Variants in ZFYVE9 observed in about 807,000 individuals in gnomAD.
ZFYVE9 encodes zinc finger FYVE domain-containing protein 9.
Under a neutral mutation model 126.7 loss-of-function variants are expected in ZFYVE9, and 43 were observed. The observed-to-expected ratio is 0.34, with a 90% CI of 0.27 to 0.44. The LOEUF (loss-of-function observed/expected upper bound fraction) is 0.44. Ranked by LOEUF, ZFYVE9 falls within the 20% of genes least tolerant of loss-of-function variation. The pLI is 1.00. For synonymous variants in ZFYVE9, 521 were observed against 597.4 expected, an observed-to-expected ratio of 0.87 and a Z score of 1.87; for missense variants, 1,476 against 1,697.0, an observed-to-expected ratio of 0.87 and a Z score of 2.29.
intron 4 of ZFYVE9, among the ~76,000 whole-genome samples, chr1:52,250,060 G>GGTT (rs1238016651): frequency 6.6e-6 from 1 of 152,090 alleles, no homozygotes; most frequent in African/African-American, 2.4e-5. Flanking sequence ...AGTCCTCTGG[G>GGTT]GTTGTAGTTT....
chr1:52,221,583 G>C (rs1253493548), intron 2 of ZFYVE9, among the ~76,000 whole-genome samples: 2 of 152,152 alleles, frequency 1.3e-5, no homozygotes, highest in Non-Finnish European at 2.9e-5. Context: ...TTATTTTCCT[G>C]CTTTCTTCTG....
chr1:52,319,908 G>A (rs1316821741), intron 13 of ZFYVE9, among the ~76,000 whole-genome samples: 2 of 150,440 alleles, frequency 1.3e-5, no homozygotes, highest in Admixed American at 6.6e-5. Context: ...AGCTACTTGG[G>A]AGGCTGAGGC....
chr1:52,204,712 G>GC (rs1340401172), intron 1 of ZFYVE9, among the ~76,000 whole-genome samples: 5 of 152,018 alleles, frequency 3.3e-5, no homozygotes, highest in African/African-American at 4.8e-5. Context: ...GGACAACAGA[G>GC]CGAGACCCTG....
At chr1:52,322,245 A>G (rs1413972332) in intron 13 of ZFYVE9, among the ~76,000 whole-genome samples, 5 of 152,152 alleles carry the variant, frequency 3.3e-5, no homozygotes, top group African/African-American at 4.8e-5. Flanking sequence ...AAATATATCT[A>G]TAATCCAGCT....
At chr1:52,256,347 A>C (rs1253305232) in intron 4 of ZFYVE9, among the ~76,000 whole-genome samples, 2 of 150,634 alleles carry the variant, frequency 1.3e-5, no homozygotes, top group East Asian at 3.9e-4. Context: ...GATTACAGGC[A>C]TGAGCCACCA....
chr1:52,305,551 T>C (rs1646075051), intron 13 of ZFYVE9, among the ~76,000 whole-genome samples: 1 of 152,074 alleles, frequency 6.6e-6, no homozygotes, highest in Non-Finnish European at 1.5e-5. Flanking sequence ...AGCAGGGTGG[T>C]GCTGCCAGGG....
intron 1 of ZFYVE9, among the ~76,000 whole-genome samples, chr1:52,178,051 G>T (rs960041500): frequency 5.3e-5 from 8 of 151,576 alleles, no homozygotes; most frequent in African/African-American, 1.9e-4. Flanking sequence ...AGGCCGAGGC[G>T]GGTAGATCAC....
chr1:52,324,856 C>T (rs772033438), intron 13 of ZFYVE9, among the ~76,000 whole-genome samples: 1 of 152,138 alleles, frequency 6.6e-6, no homozygotes, highest in Non-Finnish European at 1.5e-5. Flanking sequence ...TTTATTTGGC[C>T]GGGTACAGTG....
intron 14 of ZFYVE9, 99 bp downstream of exon 14, chr1:52,333,017 T>G: frequency 6.9e-7 from 1 of 1,452,196 alleles, no homozygotes; most frequent in Non-Finnish European, 9.4e-7. Context: ...TCTAGATAGG[T>G]GACCACAAAC....
In ZFYVE9 at chr1:52,237,940, C is replaced by A; in HGVS notation, c.523C>A (p.Gln175Lys). 6.2e-7 allele frequency: 1 copy of A among 1,614,002 alleles called. No individual in the cohort carries two copies. ...ACAGGATTGTAATAATTATAATAGT[C>A]AATCCCTTATGGATGCTTTTAGCTG... ...DLQDCNNYNS[Q>K]SLMDAFSCSL... The change falls in exon 4 of 19, where the codon CAA (glutamine) becomes AAA (lysine). Residue 175 changes from glutamine to lysine, a missense_variant. By Grantham distance (53) the Gln-to-Lys change is moderately conservative. Transcript: ENST00000287727.
intron 1 of ZFYVE9, among the ~76,000 whole-genome samples, chr1:52,172,261 C>T (rs185344028): frequency 6.6e-6 from 1 of 152,256 alleles, no homozygotes; most frequent in Admixed American, 6.5e-5. Context: ...ATAGGGAATC[C>T]TTTCCCCATT....
At chr1:52,226,548 G>A (rs1248865050) in intron 2 of ZFYVE9, among the ~76,000 whole-genome samples, 3 of 151,954 alleles carry the variant, frequency 2.0e-5, no homozygotes. Context: ...AAAGAAAAAA[G>A]AAAATGATTT....
At chr1:52,290,550 T>C (rs1211693949) in intron 10 of ZFYVE9, among the ~76,000 whole-genome samples, 1 of 152,122 alleles carries the variant, frequency 6.6e-6, no homozygotes, top group Non-Finnish European at 1.5e-5. Context: ...TTTGACAAAT[T>C]ATCTGTTGAA....
intron 4 of ZFYVE9, chr1:52,252,142 T>TA (rs1645453981): frequency 6.3e-6 from 1 of 159,750 alleles, no homozygotes; most frequent in Admixed American, 6.5e-5. Context: ...CTGGATGATT[T>TA]AAGAGCATCA....
At chr1:52,173,610 C>T (rs1389152264) in intron 1 of ZFYVE9, among the ~76,000 whole-genome samples, 2 of 152,178 alleles carry the variant, frequency 1.3e-5, no homozygotes, top group Non-Finnish European at 2.9e-5. Flanking sequence ...TGGTAGAATT[C>T]GGCTGTGAAT....
intron 13 of ZFYVE9, among the ~76,000 whole-genome samples, chr1:52,313,665 T>C (rs571041059): frequency 1.6e-3 from 245 of 152,308 alleles, no homozygotes; most frequent in African/African-American, 5.8e-3. Flanking sequence ...CCACATTATG[T>C]CTAATGACTC....
intron 13 of ZFYVE9, among the ~76,000 whole-genome samples, chr1:52,325,826 G>A (rs1005711470): frequency 6.6e-5 from 10 of 152,142 alleles, no homozygotes; most frequent in Non-Finnish European, 1.3e-4. Context: ...AGTTCAAATC[G>A]AAAGGCTAGT....
chr1:52,240,535 C>A (rs887544436), intron 4 of ZFYVE9, among the ~76,000 whole-genome samples: 1 of 152,120 alleles, frequency 6.6e-6, no homozygotes, highest in Non-Finnish European at 1.5e-5. Flanking sequence ...CTTCAAGGAA[C>A]AGAGTGTTTG....
intron 12 of ZFYVE9, among the ~76,000 whole-genome samples, chr1:52,298,832 C>T (rs1244883689): frequency 8.9e-6 from 1 of 111,996 alleles, no homozygotes; most frequent in African/African-American, 3.9e-5. Context: ...TTTTTTGAGA[C>T]GGAGTCTTGC....
Sources: gnomAD v4.1 joint callset for allele counts (sites outside exome capture counted in the v4.1 genomes callset) on GRCh38, gnomAD v4.1.1 for gene constraint, MANE v1.5 for transcripts, NCBI Gene and HGNC (gene_info 2026-07-23, HGNC 2026-07-21) for gene names.